Variants in XNDC1N observed in about 807,000 individuals in gnomAD.
XNDC1N encodes protein XNDC1N.
chr11:71,907,605 A>T, the XNDC1N span, among the ~76,000 whole-genome samples: 8 of 152,004 alleles, frequency 5.3e-5, no homozygotes, highest in Admixed American at 5.2e-4. Flanking sequence ...GAGTAATATC[A>T]TCCTCTTCCT....
the XNDC1N span, among the ~76,000 whole-genome samples, chr11:71,894,926 C>A: frequency 6.6e-6 from 1 of 152,194 alleles, no homozygotes; most frequent in African/African-American, 2.4e-5. Context: ...TATCCTCTTC[C>A]ACAGTTCATG....
the XNDC1N span, chr11:71,893,483 C>T: frequency 2.3e-4 from 174 of 747,206 alleles, 2 homozygotes; most frequent in East Asian, 4.3e-3. Context: ...CGGAATCTCA[C>T]AAGTGTCTGA....
the XNDC1N span, among the ~76,000 whole-genome samples, chr11:71,901,354 T>C: frequency 2.6e-5 from 4 of 152,090 alleles, 1 homozygote; most frequent in Admixed American, 1.3e-4. Flanking sequence ...ATCCCAGCCC[T>C]TTGGGAGGCT....
the XNDC1N span, chr11:71,916,208 G>A: frequency 1.7e-5 from 12 of 702,830 alleles, no homozygotes; most frequent in Middle Eastern, 2.3e-4. Context: ...CAGGTCAGGC[G>A]AAGTCGATCC....
chr11:71,883,487 G>T, the XNDC1N span, among the ~76,000 whole-genome samples: 1 of 152,162 alleles, frequency 6.6e-6, no homozygotes, highest in South Asian at 2.1e-4. Flanking sequence ...ATATATAATG[G>T]GGAAAAGATG....
At chr11:71,928,463 C>T in the XNDC1N span, 1 of 702,416 alleles carries the variant, frequency 1.4e-6, no homozygotes, top group Non-Finnish European at 2.6e-6. Flanking sequence ...GCCTTCTGAC[C>T]CCGAGAGCTA....
the XNDC1N span, among the ~76,000 whole-genome samples, chr11:71,925,034 A>G: frequency 7.9e-5 from 12 of 151,612 alleles, no homozygotes; most frequent in African/African-American, 2.7e-4. Flanking sequence ...GATTTTGCTC[A>G]TGCCATTGCC....
the XNDC1N span, chr11:71,903,331 G>A: frequency 7.0e-7 from 1 of 1,433,956 alleles, no homozygotes; most frequent in Non-Finnish European, 9.8e-7. Context: ...TCATCATCCT[G>A]GCCGTCAGCC....
chr11:71,866,947 A>G, the XNDC1N span, among the ~76,000 whole-genome samples: 1 of 152,224 alleles, frequency 6.6e-6, no homozygotes. Context: ...AAATAGTCCA[A>G]GTAAAATGGA....
At chr11:71,895,590 C>G in the XNDC1N span, among the ~76,000 whole-genome samples, 2 of 150,386 alleles carry the variant, frequency 1.3e-5, no homozygotes, top group Non-Finnish European at 1.5e-5. Context: ...GCCCCCCAAA[C>G]TGCTGGGATT....
At chr11:71,914,611 C>T in the XNDC1N span, among the ~76,000 whole-genome samples, 8 of 151,448 alleles carry the variant, frequency 5.3e-5, no homozygotes, top group Admixed American at 3.9e-4. Flanking sequence ...TGCTTGAACC[C>T]GGGAGGCAGA....
At chr11:71,906,751 A>G in the XNDC1N span, among the ~76,000 whole-genome samples, 2 of 152,016 alleles carry the variant, frequency 1.3e-5, no homozygotes, top group Admixed American at 1.3e-4. Context: ...CTGTGTGTAC[A>G]CCCCGTGTGA....
At chr11:71,886,018 C>T in the XNDC1N span, among the ~76,000 whole-genome samples, 1 of 151,824 alleles carries the variant, frequency 6.6e-6, no homozygotes, top group Non-Finnish European at 1.5e-5. Flanking sequence ...TGCGGTAAGT[C>T]GCATTGCGCC....
At chr11:71,893,628 C>G in the XNDC1N span, 2 of 1,100,976 alleles carry the variant, frequency 1.8e-6, no homozygotes, top group South Asian at 1.2e-5. Context: ...GCTCTGACTC[C>G]CCCCTCCACA....
chr11:71,909,605 T>C, the XNDC1N span, among the ~76,000 whole-genome samples: 9 of 152,182 alleles, frequency 5.9e-5, no homozygotes, highest in Non-Finnish European at 8.8e-5. Context: ...GGTGGAGATA[T>C]TGACTTTCTT....
chr11:71,917,066 T>G, the XNDC1N span: 2 of 227,276 alleles, frequency 8.8e-6, no homozygotes, highest in South Asian at 1.7e-4. Context: ...CAGGCTGGAG[T>G]GCAATGGCCC....
the XNDC1N span, among the ~76,000 whole-genome samples, chr11:71,872,570 C>CA: frequency 3.8e-4 from 57 of 149,248 alleles, no homozygotes; most frequent in South Asian, 3.4e-3. Context: ...AAAAAAATAC[C>CA]AAAAAAAAAT....
At chr11:71,898,640 TTTATCTA>T in the XNDC1N span, among the ~76,000 whole-genome samples, 1 of 152,142 alleles carries the variant, frequency 6.6e-6, no homozygotes, top group African/African-American at 2.4e-5. Flanking sequence ...TATGATTCCA[TTTATCTA>T]TTAAGTGTCT....
the XNDC1N span, among the ~76,000 whole-genome samples, chr11:71,911,738 A>T: frequency 0.01 from 1,523 of 152,278 alleles, 25 homozygotes; most frequent in African/African-American, 0.035. Flanking sequence ...GAAATCTTGC[A>T]ATGATTAGAA....
Sources: allele counts gnomAD v4.1 joint callset (sites outside exome capture counted in the v4.1 genomes callset), GRCh38; gene constraint gnomAD v4.1.1; transcripts MANE v1.5; gene names NCBI Gene and HGNC (gene_info 2026-07-23, HGNC 2026-07-21).